FIG4: variants seen among roughly 807,000 people sequenced by gnomAD.
FIG4 encodes FIG4 phosphoinositide 5-phosphatase.
In FIG4, 112 loss-of-function variants were observed where a neutral mutation model predicts 118.6. That is an observed-to-expected ratio of 0.94 (90% CI 0.81 to 1.11). FIG4 has a LOEUF of 1.11. Among genes scored for constraint, FIG4 ranks in the 50% least tolerant of loss-of-function variants. FIG4 has a pLI of 0.00. For synonymous variants in FIG4, 369 were observed against 381.2 expected (o/e 0.97, Z 0.37); for missense variants, 969 against 1,111.7 (o/e 0.87, Z 1.83).
chr6:109,719,716 G>A, intron 3 of FIG4, among the ~76,000 whole-genome samples: 1 of 152,074 alleles, frequency 6.6e-6, no homozygotes. Flanking sequence ...AAAAATAGCT[G>A]TCCTTGGGTA....
At chr6:109,741,700 C>T (rs952611717) in intron 8 of FIG4, among the ~76,000 whole-genome samples, 156 bp downstream of exon 8, 5 of 152,124 alleles carry the variant, frequency 3.3e-5, no homozygotes, top group Non-Finnish European at 7.4e-5. Context: ...GGGATTGGTT[C>T]TAGGAACCCT....
intron 10 of FIG4, among the ~76,000 whole-genome samples, chr6:109,759,337 A>G (rs1309301422): frequency 6.6e-6 from 1 of 152,184 alleles, no homozygotes; most frequent in Non-Finnish European, 1.5e-5. Flanking sequence ...TGATGGATGC[A>G]GGAAACCACC....
chr6:109,730,239 G>C lies in FIG4; in HGVS notation c.447-2398G>C, dbSNP rs1429616101. ...AATTTTTGTATTTTCGGCAGAAATA[G>C]GGTCTTTCTGTGTTGACCAGGCAGG... On this transcript the variant is annotated intron_variant, in intron 4 of 22. Transcript: ENST00000230124. 2.0e-5 allele frequency among the ~76,000 whole-genome samples: 3 copies of C among 151,764 alleles called. No individual in the cohort carries two copies. In the East Asian group the frequency reaches 5.8e-4, roughly 29 times the overall value.
chr6:109,792,307 C>T (rs2128397437), intron 20 of FIG4, among the ~76,000 whole-genome samples: 1 of 152,292 alleles, frequency 6.6e-6, no homozygotes, highest in Non-Finnish European at 1.5e-5. Context: ...TGCTATCTGG[C>T]CTTTTACAGG....
rs1255832934 is a variant in FIG4 at position 109,786,428 on chromosome 6, T to A, written c.2075T>A (p.Leu692Ter). The change falls in exon 18 of 23, where the codon TTG (leucine) becomes TAG (stop). Residue 692 changes from leucine (L) to a stop codon, truncating the protein, a stop_gained. Transcript: ENST00000230124. LOFTEE classifies it high-confidence loss of function. ...AGCAGCTTTGATGATACCTTTTGCT[T>A]GGCTATGACAAGCTCAGCACGGTAT... ...ELSSFDDTFC[L>*]AMTSSARDFM... 1 of 1,613,840 alleles carries A rather than the reference T, an allele frequency of 6.2e-7. No individual in the cohort carries two copies. The highest frequency in any genetic ancestry group is 8.5e-7 in the Non-Finnish European group (1 of 1,179,832).
intron 8 of FIG4, 48 bp from the exon 9 acceptor site, chr6:109,743,062 A>C (rs1157525737): frequency 6.8e-7 from 1 of 1,469,370 alleles, no homozygotes; most frequent in South Asian, 1.1e-5. Context: ...TATTTCATTA[A>C]ACATTTCTAA....
rs571649446 is a variant in FIG4, at chr6:109,795,095, G to GTTTTTTTTTTTTTTTTTTTTTTTT, written c.2460-1653_2460-1630dup. ...TCCTCAAAGCTTCATACACTTGCCAGTTTTTTTTTTTTTTTTTTTTTTTTT... is the reference window on the plus strand; with the variant it reads ...TCCTCAAAGCTTCATACACTTGCCAGTTTTTTTTTTTTTTTTTTTTTTTTTTTTTTTTTTTTTTTTTTTTTTTTT... On this transcript the variant is annotated intron_variant, in intron 21 of 22. Coordinates refer to ENST00000230124, the MANE Select transcript of FIG4 (RefSeq NM_014845.6). Among the ~76,000 whole-genome samples, 12 of 57,250 alleles carry GTTTTTTTTTTTTTTTTTTTTTTTT rather than the reference G, an allele frequency of 2.1e-4. 5 individuals are homozygous for GTTTTTTTTTTTTTTTTTTTTTTTT. The highest frequency in any genetic ancestry group is 4.2e-4 in the Non-Finnish European group (12 of 28,708). 37.6% of individuals were successfully genotyped at this position (57,250 alleles called of 152,430 possible).
chr6:109,786,422 T>C lies in FIG4; in HGVS notation c.2069T>C (p.Phe690Ser), dbSNP rs1237449502. The stretch of plus-strand genomic sequence containing the variant: ...GAGTTGAGCAGCTTTGATGATACCT[T>C]TTGCTTGGCTATGACAAGCTCAGCA... ...PYELSSFDDTFCLAMTSSARD... is the reference protein window; with the variant it reads ...PYELSSFDDTSCLAMTSSARD... The change falls in exon 18 of 23, where the codon TTT becomes TCT. Residue 690 changes from phenylalanine (F) to serine (S), a missense_variant. Around this residue, in one of 3 missense-constraint regions of FIG4, gnomAD observed 330 missense variants for 348.1 expected, o/e 0.95. Coordinates refer to ENST00000230124, the MANE Select transcript of FIG4 (RefSeq NM_014845.6). 7 of 1,613,826 alleles carry C rather than the reference T, an allele frequency of 4.3e-6. No homozygotes were observed. The highest frequency in any genetic ancestry group is 1.7e-5 in the Admixed American group (1 of 59,994).
chr6:109,742,425 G>A (rs958250978), intron 8 of FIG4, among the ~76,000 whole-genome samples: 6 of 152,072 alleles, frequency 3.9e-5, no homozygotes, highest in Admixed American at 1.3e-4. Flanking sequence ...GACAACTTGA[G>A]TTTTGAGTGG....
chr6:109,743,829 C>A, intron 10 of FIG4, 57 bp downstream of exon 10: 1 of 1,224,414 alleles, frequency 8.2e-7, no homozygotes, highest in Non-Finnish European at 1.2e-6. Flanking sequence ...AAGCCTCTTC[C>A]TCAACACAGA....
intron 10 of FIG4, among the ~76,000 whole-genome samples, chr6:109,758,384 C>G (rs1776988999): frequency 6.6e-6 from 1 of 151,840 alleles, no homozygotes; most frequent in Non-Finnish European, 1.5e-5. Context: ...ATAAATGGTG[C>G]TGGGAAAACT....
chr6:109,725,779 A>C (rs1212963303), intron 3 of FIG4, among the ~76,000 whole-genome samples: 1 of 152,134 alleles, frequency 6.6e-6, no homozygotes, highest in Non-Finnish European at 1.5e-5. Context: ...TGACTTTTAA[A>C]TGATTTCCAT....
Position 109,791,444 on chromosome 6 carries a change from G to T in FIG4, c.2249G>T (p.Ser750Ile), listed in dbSNP as rs1449343436. The change falls in exon 20 of 23, where the codon AGC (serine) becomes ATC (isoleucine). Residue 750 changes from serine to isoleucine, a missense_variant. Ser to Ile is a moderately radical substitution (Grantham distance 142). Coordinates refer to ENST00000230124, the MANE Select transcript of FIG4 (RefSeq NM_014845.6). ...KTAASAPPPP[S>I]EEAVSSSSED... is the part of the protein sequence containing the mutation. ...GCAGCCAGCGCCCCGCCGCCCCCCA[G>T]CGAGGAGGCTGTGTCCAGCAGCTCT... 6.2e-7 allele frequency: 1 copy of T among 1,613,710 alleles called. No homozygotes were observed. Among genetic ancestry groups the T allele is most frequent in the African/African-American group, 1.3e-5 (1 of 74,946 alleles).
chr6:109,758,139 C>T (rs902296836), intron 10 of FIG4, among the ~76,000 whole-genome samples: 12 of 152,180 alleles, frequency 7.9e-5, no homozygotes, highest in Non-Finnish European at 1.8e-4. Flanking sequence ...AAAAAGAGCC[C>T]GTATAGCCAA....
At chr6:109,774,792 G>T (rs1037281229) in intron 15 of FIG4, among the ~76,000 whole-genome samples, 2 of 151,992 alleles carry the variant, frequency 1.3e-5, no homozygotes, top group Admixed American at 1.3e-4. Context: ...CCTACATTTA[G>T]TTGGTATTTA....
chr6:109,777,445 A>G (rs1562678026), intron 16 of FIG4, among the ~76,000 whole-genome samples: 1 of 152,226 alleles, frequency 6.6e-6, no homozygotes. Flanking sequence ...CTTGTTAAAC[A>G]GAAGTTGTAG....
intron 17 of FIG4, 137 bp downstream of exon 17, chr6:109,785,165 C>T (rs190258349): frequency 1.5e-4 from 102 of 676,746 alleles, no homozygotes; most frequent in African/African-American, 1.4e-3. Context: ...TATGTTGCTG[C>T]TTTAATAGAT....
rs368315359 is a variant in FIG4, at chr6:109,695,163, G to A, written c.66+3662G>A. On this transcript the variant is annotated intron_variant, in intron 1 of 22. Transcript: ENST00000230124. ...AACTTTATTTCTCAAGCTAACTTCCGTCAAGGTCAAGACATTTTTGTAACT... is the reference window on the plus strand; with the variant it reads ...AACTTTATTTCTCAAGCTAACTTCCATCAAGGTCAAGACATTTTTGTAACT... 1.2e-4 allele frequency among the ~76,000 whole-genome samples: 18 copies of A among 152,290 alleles called. No homozygotes were observed. The East Asian group carries it at 2.1e-3, about 18-fold the overall frequency.
At position 109,760,269 on chromosome 6, in the gene FIG4, A is replaced by G. The variant is rs1252698469; in HGVS notation, c.1157A>G (p.His386Arg). 6.2e-7 allele frequency: 1 copy of G among 1,613,830 alleles called. No homozygotes were observed. ...ATAAAGGAACGAGAGAAAAGAAAGC[A>G]TGAAAGAATTCTGAGTGAAGAACTT... The part of the protein sequence containing the change: ...NLVKEREKRK[H>R]ERILSEELVA... The change falls in exon 11 of 23, where the codon CAT (histidine) becomes CGT (arginine). Residue 386 changes from histidine (H) to arginine (R), a missense_variant. By Grantham distance (29) the His-to-Arg change is conservative (BLOSUM62 0). This residue lies in a region of FIG4 where 246 missense variants were observed against 354.3 expected (regional missense o/e 0.69). Transcript: ENST00000230124.
Sources: gnomAD v4.1 joint callset for allele counts (sites outside exome capture counted in the v4.1 genomes callset) on GRCh38, gnomAD v4.1.1 for gene constraint, gnomAD v4.1.1 regional missense constraint, MANE v1.5 for transcripts, NCBI Gene and HGNC (gene_info 2026-07-23, HGNC 2026-07-21) for gene names.